The following NCKAP5 variants were observed in gnomAD, a reference collection of about 807,000 sequenced individuals.
NCKAP5 encodes nck-associated protein 5.
A neutral mutation model predicts 167.0 loss-of-function variants in NCKAP5; 92 were observed. That is an observed-to-expected ratio of 0.55 (90% CI 0.47 to 0.66). The LOEUF is 0.66. Ranked by LOEUF, NCKAP5 falls within the 30% of genes least tolerant of loss-of-function variation. The pLI is 0.00. For missense variants in NCKAP5, 2,378 were observed against 2,315.0 expected, an observed-to-expected ratio of 1.03 and a Z score of -0.56; for synonymous variants, 891 against 877.4, an observed-to-expected ratio of 1.02 and a Z score of -0.27.
chr2:133,526,750 T>C (rs1229957010), intron 2 of NCKAP5, among the ~76,000 whole-genome samples: 3 of 152,158 alleles, frequency 2.0e-5, no homozygotes, highest in Non-Finnish European at 4.4e-5. Flanking sequence ...TTTATTGCCT[T>C]AAGGAAGATT....
Position 132,689,022 on chromosome 2 carries a change from A to C in NCKAP5, c.5714-15717T>G, listed in dbSNP as rs1387590031. Reference sequence around the variant, plus strand: ...AAAAAAAAAGCCTCTTTCCAAAAAGATTCTCTACTCTACTTCTCCTACTTT... The same window carrying C: ...AAAAAAAAAGCCTCTTTCCAAAAAGCTTCTCTACTCTACTTCTCCTACTTT... On this transcript the variant is annotated intron_variant, in intron 19 of 19. Transcript: ENST00000409261. 2.0e-5 allele frequency among the ~76,000 whole-genome samples: 3 copies of C among 150,866 alleles called. No homozygotes were observed. The South Asian group carries it at 6.3e-4, about 32-fold the overall frequency.
the NCKAP5 span, among the ~76,000 whole-genome samples, chr2:133,636,154 A>T: frequency 2.0e-5 from 3 of 152,232 alleles, no homozygotes; most frequent in Non-Finnish European, 4.4e-5. Context: ...AAAAACTATC[A>T]AAGATTTTCC....
chr2:132,849,382 A>G (rs768732454), intron 11 of NCKAP5, among the ~76,000 whole-genome samples: 1 of 152,242 alleles, frequency 6.6e-6, no homozygotes, highest in African/African-American at 2.4e-5. Context: ...GGATCTACTT[A>G]GAGCTAAATA....
chr2:132,699,486 C>G (rs939478003), intron 19 of NCKAP5, among the ~76,000 whole-genome samples: 2 of 152,030 alleles, frequency 1.3e-5, no homozygotes, highest in African/African-American at 2.4e-5. Context: ...CCACTCCCCC[C>G]TCCCCACGAC....
intron 2 of NCKAP5, among the ~76,000 whole-genome samples, chr2:133,553,873 A>C (rs1414819983): frequency 6.6e-6 from 1 of 152,206 alleles, no homozygotes; most frequent in Admixed American, 6.5e-5. Flanking sequence ...GGCTTAGAAT[A>C]ATACACATTT....
chr2:132,973,740 C>CA (rs1209218984), intron 7 of NCKAP5, among the ~76,000 whole-genome samples: 9 of 150,344 alleles, frequency 6.0e-5, no homozygotes, highest in African/African-American at 1.2e-4. Context: ...AAAAAAAACA[C>CA]AAAAAAACAA....
chr2:133,172,349 T>C (rs2084282864), intron 5 of NCKAP5, among the ~76,000 whole-genome samples: 1 of 152,234 alleles, frequency 6.6e-6, no homozygotes, highest in East Asian at 1.9e-4. Context: ...ACATTTTGTG[T>C]CTTAACACTT....
chr2:133,674,296 A>G, the NCKAP5 span, among the ~76,000 whole-genome samples: 3 of 152,178 alleles, frequency 2.0e-5, no homozygotes, highest in Non-Finnish European at 4.4e-5. Flanking sequence ...TGCGGAATGA[A>G]TCAGACAACA....
Position 133,040,814 on chromosome 2 carries a change from C to T in NCKAP5, c.342-46575G>A, listed in dbSNP as rs115403892. Among the ~76,000 whole-genome samples the T allele has an allele frequency of 5.4e-3, 823 of 152,142 alleles. 15 individuals are homozygous for T. Among genetic ancestry groups the T allele is most frequent in the Non-Finnish European group, 4.3e-3 (290 of 67,978 alleles). On this transcript the variant is annotated intron_variant, in intron 6 of 19. Coordinates refer to ENST00000409261, the MANE Select transcript of NCKAP5 (RefSeq NM_207363.3). ...GGAATTGATTTAGATATATTTGAAA[C>T]GGGAGGTTGTGCAGAGTTGGGCTGG...
intron 4 of NCKAP5, among the ~76,000 whole-genome samples, chr2:133,217,038 C>T (rs1310357044): frequency 2.0e-5 from 3 of 151,946 alleles, no homozygotes; most frequent in South Asian, 2.1e-4. Flanking sequence ...ATTCACCAAC[C>T]GAAGATTCAG....
At chr2:133,196,120 G>T (rs182140874) in intron 5 of NCKAP5, among the ~76,000 whole-genome samples, 1 of 152,134 alleles carries the variant, frequency 6.6e-6, no homozygotes, top group Non-Finnish European at 1.5e-5. Context: ...CTATGCTCGT[G>T]TGTTGGTTTA....
At chr2:133,569,396 GCTTA>G (rs1277220342), upstream of NCKAP5, among the ~76,000 whole-genome samples, 7 of 152,150 alleles carry the variant, frequency 4.6e-5, no homozygotes, top group Admixed American at 4.6e-4. Context: ...CTATAACGAT[GCTTA>G]CTATTTATAT....
chr2:133,240,117 G>A (rs971479623), intron 4 of NCKAP5, among the ~76,000 whole-genome samples: 6 of 152,218 alleles, frequency 3.9e-5, no homozygotes, highest in East Asian at 1.9e-4. Context: ...CTAGAGTTGC[G>A]CATTCCGGAG....
chr2:132,756,851 T>C (rs1559016238), intron 16 of NCKAP5, among the ~76,000 whole-genome samples: 3 of 151,730 alleles, frequency 2.0e-5, no homozygotes, highest in Non-Finnish European at 2.9e-5. Context: ...CAGGCCTGAG[T>C]TTTCAAATGG....
intron 11 of NCKAP5, among the ~76,000 whole-genome samples, chr2:132,796,991 A>C (rs776405445): frequency 3.3e-5 from 5 of 152,214 alleles, no homozygotes; most frequent in Admixed American, 1.3e-4. Context: ...GAAAAATATA[A>C]GTAGTAGTTA....
rs1339116036 is a variant in NCKAP5 at position 133,390,637 on chromosome 2, GCCTCTA to G, written c.70-87533_70-87528del. Among the ~76,000 whole-genome samples, 8 of 152,198 alleles carry G rather than the reference GCCTCTA, an allele frequency of 5.3e-5. 1 individual carries two copies. The highest frequency in any genetic ancestry group is 1.9e-4 in the African/African-American group (8 of 41,524). On this transcript the variant is annotated intron_variant, in intron 3 of 19. Transcript: ENST00000409261. ...CTGCCATCTCACCAACTTTTCATCA[GCCTCTA>G]ATTTCCCCTAGAGTAGTGGTTCTTA...
chr2:132,791,869 C>T (rs1218577904), intron 12 of NCKAP5, among the ~76,000 whole-genome samples: 1 of 152,170 alleles, frequency 6.6e-6, no homozygotes, highest in Admixed American at 6.5e-5. Flanking sequence ...ACCTATAATG[C>T]TCAATTCCCA....
At chr2:133,421,735 C>A (rs866036053) in intron 3 of NCKAP5, among the ~76,000 whole-genome samples, 1 of 152,224 alleles carries the variant, frequency 6.6e-6, no homozygotes, top group Non-Finnish European at 1.5e-5. Flanking sequence ...ACTGTAGCCA[C>A]TTCCAGCCTC....
intron 6 of NCKAP5, among the ~76,000 whole-genome samples, chr2:133,033,594 A>T (rs957859115): frequency 6.6e-6 from 1 of 152,212 alleles, no homozygotes; most frequent in Non-Finnish European, 1.5e-5. Flanking sequence ...TGCGTTGAGG[A>T]AACTCAAAGA....
Sources: allele counts gnomAD v4.1 joint callset (sites outside exome capture counted in the v4.1 genomes callset), GRCh38; gene constraint gnomAD v4.1.1; transcripts MANE v1.5; gene names NCBI Gene and HGNC (gene_info 2026-07-23, HGNC 2026-07-21).